The following TBC1D22A variants were observed in gnomAD, a reference collection of about 807,000 sequenced individuals.
The protein encoded by TBC1D22A is putative GTPase activator.
Under a neutral mutation model 60.2 loss-of-function variants are expected in TBC1D22A, and 38 were observed. The observed-to-expected ratio is 0.63, with a 90% CI of 0.49 to 0.83. The LOEUF (loss-of-function observed/expected upper bound fraction) is 0.83. Among genes scored for constraint, TBC1D22A ranks in the 40% least tolerant of loss-of-function variants. The pLI is 0.00. For synonymous variants in TBC1D22A, 302 were observed against 281.7 expected (o/e 1.07, Z -0.72); for missense variants, 628 against 701.0 (o/e 0.90, Z 1.18).
intron 4 of TBC1D22A, among the ~76,000 whole-genome samples, chr22:46,820,789 A>T (rs113816984): frequency 0.011 from 1,611 of 152,238 alleles, 34 homozygotes; most frequent in African/African-American, 0.037. Context: ...GTCCTTGTTA[A>T]TTTTCTGTCT....
intron 10 of TBC1D22A, among the ~76,000 whole-genome samples, chr22:47,012,967 T>G (rs781604612): frequency 7.2e-5 from 11 of 152,220 alleles, no homozygotes; most frequent in Non-Finnish European, 1.0e-4. Context: ...CAGTCTGTCG[T>G]ATGGCTTTTG....
intron 11 of TBC1D22A, among the ~76,000 whole-genome samples, 156 bp downstream of exon 11, chr22:47,037,354 G>A (rs2062689777): frequency 6.6e-6 from 1 of 152,148 alleles, no homozygotes; most frequent in African/African-American, 2.4e-5. Flanking sequence ...TCCTGGCCGG[G>A]CGCGGTGGCT....
chr22:47,029,049 G>A (rs192679023), intron 10 of TBC1D22A, among the ~76,000 whole-genome samples: 1 of 152,332 alleles, frequency 6.6e-6, no homozygotes, highest in Non-Finnish European at 1.5e-5. Flanking sequence ...TTATTCATTA[G>A]AATGGCTCAT....
intron 8 of TBC1D22A, among the ~76,000 whole-genome samples, chr22:46,955,299 C>T (rs1387507889): frequency 3.3e-5 from 5 of 152,190 alleles, no homozygotes; most frequent in Non-Finnish European, 7.3e-5. Flanking sequence ...AGTACGCTAA[C>T]GATGAATAAG....
At chr22:47,123,566 C>T (rs1207580436) in intron 12 of TBC1D22A, among the ~76,000 whole-genome samples, 2 of 152,176 alleles carry the variant, frequency 1.3e-5, no homozygotes, top group Admixed American at 1.3e-4. Flanking sequence ...ACAGAATGGC[C>T]CGTGGCAGTG....
At chr22:46,864,092 C>T (rs1190643708) in intron 4 of TBC1D22A, among the ~76,000 whole-genome samples, 3 of 152,202 alleles carry the variant, frequency 2.0e-5, no homozygotes, top group Non-Finnish European at 2.9e-5. Context: ...GATGCCTCCA[C>T]GTGCATATTC....
At chr22:46,945,268 T>C (rs1055974689) in intron 8 of TBC1D22A, among the ~76,000 whole-genome samples, 1 of 152,246 alleles carries the variant, frequency 6.6e-6, no homozygotes, top group African/African-American at 2.4e-5. Context: ...CAATTTATTG[T>C]ATTCATTCAC....
At chr22:47,150,173 G>T (rs550427486) in intron 12 of TBC1D22A, among the ~76,000 whole-genome samples, 13 of 152,300 alleles carry the variant, frequency 8.5e-5, no homozygotes, top group Admixed American at 4.6e-4. Context: ...AGTCACTGGT[G>T]CACTGTAAAC....
At chr22:47,105,633 T>C (rs1289470130) in intron 11 of TBC1D22A, among the ~76,000 whole-genome samples, 1 of 152,232 alleles carries the variant, frequency 6.6e-6, no homozygotes, top group African/African-American at 2.4e-5. Flanking sequence ...TTCACATGGA[T>C]TGGGGGAGCC....
At chr22:47,103,809 G>T (rs1018165444) in intron 11 of TBC1D22A, among the ~76,000 whole-genome samples, 2 of 152,118 alleles carry the variant, frequency 1.3e-5, no homozygotes, top group Non-Finnish European at 2.9e-5. Context: ...AACGGGTCTG[G>T]AGAGTCAGGC....
chr22:46,815,812 C>T (rs1276456174), intron 4 of TBC1D22A, among the ~76,000 whole-genome samples: 2 of 152,016 alleles, frequency 1.3e-5, no homozygotes, highest in African/African-American at 4.8e-5. Flanking sequence ...CCTGGACCTC[C>T]GTGGATGGGG....
At chr22:47,106,432 A>G (rs1329750653) in intron 11 of TBC1D22A, among the ~76,000 whole-genome samples, 1 of 152,252 alleles carries the variant, frequency 6.6e-6, no homozygotes, top group Non-Finnish European at 1.5e-5. Flanking sequence ...TTATGAAGGA[A>G]TGACAAATAG....
Position 46,902,072 on chromosome 22 carries a change from G to T in TBC1D22A, c.900+7226G>T, listed in dbSNP as rs971472530. Among the ~76,000 whole-genome samples, 3 of 152,262 alleles carry T rather than the reference G, an allele frequency of 2.0e-5. 1 individual carries two copies. The highest frequency in any genetic ancestry group is 1.9e-4 in the East Asian group (1 of 5,204). ...TGGGCCTGCCTTGGAGGCATGCGGG[G>T]TGTTTGTTAGGTGGACACGGTGAAG... On this transcript the variant is annotated intron_variant, in intron 7 of 12. Coordinates refer to ENST00000337137, the MANE Select transcript of TBC1D22A (RefSeq NM_014346.5).
At chr22:46,788,129 G>A (rs1444561426) in intron 1 of TBC1D22A, among the ~76,000 whole-genome samples, 2 of 151,852 alleles carry the variant, frequency 1.3e-5, no homozygotes, top group Non-Finnish European at 2.9e-5. Flanking sequence ...GTAGAGACGG[G>A]GTTTCACTGT....
rs199956302 is a variant in TBC1D22A, at chr22:46,941,418, A to AAT, written c.1015+29234_1015+29235dup. Among the ~76,000 whole-genome samples the AAT allele has an allele frequency of 3.7e-4, 31 of 82,844 alleles. 2 individuals are homozygous for AAT. The highest frequency in any genetic ancestry group is 9.8e-4 in the African/African-American group (22 of 22,358). 54.3% of individuals were successfully genotyped at this position (82,844 alleles called of 152,430 possible). On this transcript the variant is annotated intron_variant, in intron 8 of 12. Coordinates refer to ENST00000337137, the MANE Select transcript of TBC1D22A (RefSeq NM_014346.5). ...ATATATACACAGAATATATATACGG[A>AAT]ATATACACGGAATATATATACACGG...
chr22:46,910,574 C>T (rs528701428), intron 7 of TBC1D22A, among the ~76,000 whole-genome samples: 1 of 152,294 alleles, frequency 6.6e-6, no homozygotes, highest in South Asian at 2.1e-4. Context: ...GCAGTTGGGC[C>T]TGGCCTTAGC....
intron 7 of TBC1D22A, among the ~76,000 whole-genome samples, chr22:46,897,144 A>G (rs1298186371): frequency 6.6e-6 from 1 of 152,154 alleles, no homozygotes; most frequent in African/African-American, 2.4e-5. Context: ...GACAAAATGC[A>G]CAAACAAAGC....
At chr22:46,974,449 T>C in intron 9 of TBC1D22A, 50 bp downstream of exon 9, 1 of 1,488,810 alleles carries the variant, frequency 6.7e-7, no homozygotes, top group Non-Finnish European at 9.2e-7. Flanking sequence ...GCCCCTGCGG[T>C]GAAGAGAGCC....
chr22:46,876,698 G>A (rs908889649), intron 4 of TBC1D22A, among the ~76,000 whole-genome samples: 5 of 152,332 alleles, frequency 3.3e-5, no homozygotes, highest in African/African-American at 9.6e-5. Context: ...TTAAGTAGGC[G>A]CCTAGGCCCA....
Sources: allele counts gnomAD v4.1 joint callset (sites outside exome capture counted in the v4.1 genomes callset), GRCh38; gene constraint gnomAD v4.1.1; transcripts MANE v1.5; gene names NCBI Gene and HGNC (gene_info 2026-07-23, HGNC 2026-07-21).